The following KATNAL2 variants were observed in gnomAD, a reference collection of about 807,000 sequenced individuals.
KATNAL2 encodes katanin catalytic subunit A1 like 2.
A neutral mutation model predicts 76.3 loss-of-function variants in KATNAL2; 52 were observed. That is an observed-to-expected ratio of 0.68 (90% CI 0.55 to 0.86). The LOEUF (loss-of-function observed/expected upper bound fraction) is 0.86, where lower values mean the gene tolerates loss of function less well. Ranked by LOEUF, KATNAL2 falls within the 40% of genes least tolerant of loss-of-function variation. The pLI, the probability that KATNAL2 is intolerant of heterozygous loss-of-function variation, is 0.00. For synonymous variants in KATNAL2, 243 were observed against 244.2 expected (o/e 1.00, Z 0.05); for missense variants, 660 against 668.9 (o/e 0.99, Z 0.15).
intron 14 of KATNAL2, chr18:47,076,162 T>C (rs188761460): frequency 2.0e-5 from 3 of 152,338 alleles, no homozygotes; most frequent in East Asian, 1.9e-4. Flanking sequence ...GCAGAAGTAA[T>C]AGTAATAAAA....
intron 15 of KATNAL2, among the ~76,000 whole-genome samples, chr18:47,084,847 TA>T (rs34034453): frequency 0.018 from 468 of 25,496 alleles, 2 homozygotes; most frequent in African/African-American, 0.049. Flanking sequence ...AGACTCTGTC[TA>T]AAAAAAAAAA....
At position 46,941,594 on chromosome 18, in the gene KATNAL2, T is replaced by C. The variant is rs536140080; in HGVS notation, c.-509-4463T>C. Among the ~76,000 whole-genome samples, 150 of 152,312 alleles carry C rather than the reference T, an allele frequency of 9.8e-4. 1 individual carries two copies. The Middle Eastern group carries it at 0.01, about 10-fold the overall frequency. On this transcript the variant is annotated intron_variant, in intron 1 of 17. Coordinates refer to ENST00000683218, the MANE Select transcript of KATNAL2 (RefSeq NM_001387690.1). Reference sequence around the variant, plus strand: ...CTCTATTTTCGTATCCACCTAATAGTATAATTTTGTTTCTCTTTTTTGAGA... The same window carrying C: ...CTCTATTTTCGTATCCACCTAATAGCATAATTTTGTTTCTCTTTTTTGAGA...
chr18:46,960,876 C>T (rs765871964), intron 3 of KATNAL2, among the ~76,000 whole-genome samples: 1 of 152,138 alleles, frequency 6.6e-6, no homozygotes, highest in African/African-American at 2.4e-5. Context: ...CCTCAGACAC[C>T]GGGTTAAAGA....
Position 46,946,144 on chromosome 18 carries a change from G to C in KATNAL2, c.-422G>C, listed in dbSNP as rs918339092. 2 of 828,872 alleles carry C rather than the reference G, an allele frequency of 2.4e-6. No individual in the cohort carries two copies. The highest frequency in any genetic ancestry group is 3.7e-5 in the African/African-American group (2 of 53,842). The allele number at this position is 828,872 out of a possible 1,614,324, so 51.3% of individuals were successfully genotyped here. On this transcript the variant is annotated 5_prime_UTR_variant, in exon 2 of 18. Transcript: ENST00000683218. Reference sequence around the variant, plus strand: ...AAGAAGACCGAAGATAATGATGAAGGGATAATTTGGAATAGGATTCACAGC... The same window carrying C: ...AAGAAGACCGAAGATAATGATGAAGCGATAATTTGGAATAGGATTCACAGC...
chr18:47,097,118 C>G (rs7235610), intron 15 of KATNAL2, among the ~76,000 whole-genome samples: 9,055 of 71,040 alleles, frequency 0.13, 630 homozygotes, highest in East Asian at 0.27. Flanking sequence ...GACCCTGGCT[C>G]AAAAAAAAAA....
chr18:46,938,345 G>T (rs1226853240), intron 1 of KATNAL2, among the ~76,000 whole-genome samples: 1 of 152,102 alleles, frequency 6.6e-6, no homozygotes, highest in Non-Finnish European at 1.5e-5. Flanking sequence ...GGTACCTCTG[G>T]GGGATGGGAA....
intron 3 of KATNAL2, among the ~76,000 whole-genome samples, chr18:47,032,118 C>G (rs983803584): frequency 6.6e-6 from 1 of 152,182 alleles, no homozygotes; most frequent in Non-Finnish European, 1.5e-5. Context: ...TGTCACCATT[C>G]TTTCATAGGG....
chr18:46,934,370 G>A (rs1391128689), intron 1 of KATNAL2, among the ~76,000 whole-genome samples: 1 of 152,182 alleles, frequency 6.6e-6, no homozygotes, highest in Non-Finnish European at 1.5e-5. Context: ...TCTCATTGTG[G>A]TTTTGATTTG....
chr18:47,090,428 C>T (rs1599854464), intron 15 of KATNAL2, among the ~76,000 whole-genome samples: 1 of 152,028 alleles, frequency 6.6e-6, no homozygotes, highest in African/African-American at 2.4e-5. Flanking sequence ...TTCTTGAGCA[C>T]CTGTTGGGTA....
intron 15 of KATNAL2, among the ~76,000 whole-genome samples, chr18:47,080,039 G>A (rs2062434122): frequency 6.6e-6 from 1 of 152,132 alleles, no homozygotes; most frequent in African/African-American, 2.4e-5. Flanking sequence ...TTCACCAGGG[G>A]TACAAGTCTA....
chr18:47,039,244 A>T (rs2147000872), intron 3 of KATNAL2, among the ~76,000 whole-genome samples: 1 of 152,272 alleles, frequency 6.6e-6, no homozygotes, highest in Middle Eastern at 3.4e-3. Flanking sequence ...CTTTATTCAT[A>T]TACCTTACAA....
chr18:46,942,388 G>C (rs2059271261), intron 1 of KATNAL2, among the ~76,000 whole-genome samples: 2 of 152,146 alleles, frequency 1.3e-5, no homozygotes, highest in South Asian at 4.1e-4. Context: ...AGGCCGAGGT[G>C]GGCGGATCAC....
chr18:47,065,448 C>T (rs1395512784), intron 10 of KATNAL2, among the ~76,000 whole-genome samples: 2 of 121,368 alleles, frequency 1.6e-5, no homozygotes, highest in African/African-American at 6.4e-5. Flanking sequence ...GGGAGAGTGT[C>T]GGGGGGGGAA....
intron 4 of KATNAL2, among the ~76,000 whole-genome samples, chr18:47,050,554 T>C (rs1386543454): frequency 1.3e-5 from 2 of 152,240 alleles, no homozygotes; most frequent in Non-Finnish European, 2.9e-5. Context: ...TTACAAAGCA[T>C]GCATTTTTCC....
chr18:47,045,920 T>G (rs2061142531), intron 3 of KATNAL2, among the ~76,000 whole-genome samples: 1 of 152,228 alleles, frequency 6.6e-6, no homozygotes, highest in Non-Finnish European at 1.5e-5. Context: ...GGAGTTGTCC[T>G]TTTATGGCCT....
chr18:47,054,372 C>T, intron 5 of KATNAL2, 24 bp from the exon 6 acceptor site: 2 of 1,599,808 alleles, frequency 1.3e-6, no homozygotes, highest in Non-Finnish European at 1.7e-6. Context: ...TTTTCTTTCC[C>T]TCCCAATGTC....
chr18:46,938,611 T>G (rs777602409), intron 1 of KATNAL2, among the ~76,000 whole-genome samples: 17 of 152,196 alleles, frequency 1.1e-4, no homozygotes, highest in Non-Finnish European at 1.8e-4. Flanking sequence ...TGGATAACTT[T>G]CAGTAGCCAT....
intron 17 of KATNAL2, 123 bp downstream of exon 17, chr18:47,100,479 A>G (rs985189677): frequency 3.7e-5 from 27 of 735,646 alleles, no homozygotes; most frequent in Admixed American, 5.0e-5. Flanking sequence ...TTTTTGGTCA[A>G]ATCATCCCTC....
chr18:47,069,625 A>C, intron 13 of KATNAL2, 25 bp downstream of exon 13: 7 of 1,515,232 alleles, frequency 4.6e-6, no homozygotes, highest in Non-Finnish European at 5.5e-6. Flanking sequence ...TTTTGTTTTT[A>C]AAAATAAGTT....
Sources: allele counts gnomAD v4.1 joint callset (sites outside exome capture counted in the v4.1 genomes callset), GRCh38; gene constraint gnomAD v4.1.1; transcripts MANE v1.5; gene names NCBI Gene and HGNC (gene_info 2026-07-23, HGNC 2026-07-21).